The following GRM5 variants were observed in gnomAD, a reference collection of about 807,000 sequenced individuals.
GRM5 encodes glutamate metabotropic receptor 5, also known as metabotropic glutamate receptor 5.
A neutral mutation model predicts 83.1 loss-of-function variants in GRM5; 19 were observed. The observed-to-expected ratio is 0.23, with a 90% CI of 0.16 to 0.34. GRM5 has a LOEUF of 0.34. Among genes scored for constraint, GRM5 ranks in the 10% least tolerant of loss-of-function variants. GRM5 has a pLI of 1.00. For missense variants in GRM5, 1,160 were observed against 1,588.3 expected (o/e 0.73, Z 4.58); for synonymous variants, 675 against 633.6 (o/e 1.07, Z -0.98).
At chr11:88,646,908 A>AAAAAC (rs1939473491) in intron 4 of GRM5, among the ~76,000 whole-genome samples, 1 of 149,110 alleles carries the variant, frequency 6.7e-6, no homozygotes, top group Non-Finnish European at 1.5e-5. Context: ...AAAAAAAAAC[A>AAAAAC]CCACAAATTG....
intron 6 of GRM5, among the ~76,000 whole-genome samples, chr11:88,593,599 A>C (rs890685618): frequency 2.7e-5 from 4 of 150,448 alleles, no homozygotes; most frequent in Non-Finnish European, 5.9e-5. Flanking sequence ...AATCACCTGA[A>C]CCCGGGAGGC....
At chr11:88,972,739 C>A (rs11021687) in intron 2 of GRM5, among the ~76,000 whole-genome samples, 17,377 of 152,066 alleles carry the variant, frequency 0.11, 3,237 homozygotes, top group African/African-American at 0.39. Context: ...AACTTTCCAT[C>A]AATGCATAAT....
chr11:88,791,918 C>T (rs1473492386), intron 3 of GRM5, among the ~76,000 whole-genome samples: 1 of 152,034 alleles, frequency 6.6e-6, no homozygotes, highest in African/African-American at 2.4e-5. Flanking sequence ...TAATTTGTAA[C>T]ATCCCATTTT....
chr11:88,669,234 T>C (rs1432163888), intron 3 of GRM5, among the ~76,000 whole-genome samples: 1 of 152,126 alleles, frequency 6.6e-6, no homozygotes, highest in Non-Finnish European at 1.5e-5. Flanking sequence ...ATTTACCACA[T>C]TAACAACATA....
intron 3 of GRM5, among the ~76,000 whole-genome samples, chr11:88,687,222 C>T (rs1465393928): frequency 6.6e-6 from 1 of 151,646 alleles, no homozygotes; most frequent in South Asian, 2.1e-4. Flanking sequence ...CGCCTGTAAT[C>T]CCAGCACTTT....
intron 2 of GRM5, among the ~76,000 whole-genome samples, chr11:89,022,795 T>C (rs1189987601): frequency 2.0e-5 from 3 of 152,294 alleles, no homozygotes; most frequent in African/African-American, 7.2e-5. Flanking sequence ...TAAGGTCCTT[T>C]AGTATAAAAT....
At chr11:89,003,907 G>C (rs552333005) in intron 2 of GRM5, among the ~76,000 whole-genome samples, 6 of 152,274 alleles carry the variant, frequency 3.9e-5, no homozygotes, top group African/African-American at 1.4e-4. Context: ...GTCAAGTATG[G>C]TGGCAGGTAC....
intron 2 of GRM5, among the ~76,000 whole-genome samples, chr11:89,009,580 T>C (rs1940624588): frequency 6.6e-6 from 1 of 151,976 alleles, no homozygotes; most frequent in South Asian, 2.1e-4. Flanking sequence ...CTAAAAGCAA[T>C]GATCTCTAAG....
chr11:89,009,035 C>T (rs1206623652), intron 2 of GRM5: 1 of 737,170 alleles, frequency 1.4e-6, no homozygotes, highest in African/African-American at 1.7e-5. Flanking sequence ...TTTTACACAC[C>T]TCATAAAAGA....
At chr11:88,969,252 A>G (rs1189247494) in intron 2 of GRM5, among the ~76,000 whole-genome samples, 2 of 152,006 alleles carry the variant, frequency 1.3e-5, no homozygotes, top group Non-Finnish European at 2.9e-5. Flanking sequence ...TTATATATAT[A>G]TGTATATATT....
intron 4 of GRM5, among the ~76,000 whole-genome samples, chr11:88,640,937 G>C (rs140449467): frequency 0.011 from 1,647 of 152,224 alleles, 33 homozygotes; most frequent in African/African-American, 0.037. Flanking sequence ...GTAAAAATAT[G>C]ATTGGACAAA....
rs186606427 is a variant in GRM5 at position 88,911,006 on chromosome 11, G to T, written c.662-60851C>A. Among the ~76,000 whole-genome samples the T allele has an allele frequency of 2.2e-3, 341 of 152,180 alleles. 3 individuals are homozygous for T. Among genetic ancestry groups the T allele is most frequent in the African/African-American group, 7.6e-3 (314 of 41,550 alleles). ...TAAGGTTTAAATCTTTTATTGAAAT[G>T]CTCTAAAATAACAAGCGAATGCGTC... On this transcript the variant is annotated intron_variant, in intron 2 of 9. Coordinates refer to ENST00000305447, the MANE Select transcript of GRM5 (RefSeq NM_001143831.3).
At chr11:88,710,581 C>T (rs1168415643) in intron 3 of GRM5, among the ~76,000 whole-genome samples, 1 of 152,066 alleles carries the variant, frequency 6.6e-6, no homozygotes, top group Non-Finnish European at 1.5e-5. Context: ...TAAACTGCTC[C>T]ATAATAATAG....
chr11:88,890,029 T>C (rs997186476), intron 2 of GRM5, among the ~76,000 whole-genome samples: 1 of 152,118 alleles, frequency 6.6e-6, no homozygotes, highest in African/African-American at 2.4e-5. Context: ...GTGTAATAAG[T>C]AGGCAGGAAA....
At chr11:88,990,924 C>T (rs923897072) in intron 2 of GRM5, among the ~76,000 whole-genome samples, 3 of 152,168 alleles carry the variant, frequency 2.0e-5, no homozygotes, top group African/African-American at 7.2e-5. Context: ...TGGGCAAAAA[C>T]TGGAAGCATT....
intron 3 of GRM5, among the ~76,000 whole-genome samples, chr11:88,723,305 GT>G (rs771085408): frequency 1.1e-4 from 16 of 152,058 alleles, no homozygotes; most frequent in Non-Finnish European, 2.2e-4. Flanking sequence ...TTGCTTCCAA[GT>G]TTTGGCAATT....
At chr11:88,970,189 T>C (rs1253739048) in intron 2 of GRM5, among the ~76,000 whole-genome samples, 3 of 152,142 alleles carry the variant, frequency 2.0e-5, no homozygotes, top group Non-Finnish European at 4.4e-5. Context: ...AATAAGCTTC[T>C]GTAACAAATA....
chr11:88,598,303 A>G (rs182401809), intron 5 of GRM5, among the ~76,000 whole-genome samples: 1 of 152,168 alleles, frequency 6.6e-6, no homozygotes, highest in African/African-American at 2.4e-5. Context: ...TTTTGGATTC[A>G]AGTGATGAGA....
intron 4 of GRM5, among the ~76,000 whole-genome samples, chr11:88,624,228 G>C (rs1197914444): frequency 6.6e-6 from 1 of 152,148 alleles, no homozygotes; most frequent in Non-Finnish European, 1.5e-5. Context: ...TTCACTACTG[G>C]CTTCTCCTGA....
Sources: gnomAD v4.1 joint callset for allele counts (sites outside exome capture counted in the v4.1 genomes callset) on GRCh38, gnomAD v4.1.1 for gene constraint, MANE v1.5 for transcripts, NCBI Gene and HGNC (gene_info 2026-07-23, HGNC 2026-07-21) for gene names.